The following CYFIP1 variants were observed in gnomAD, a reference collection of about 807,000 sequenced individuals.
The protein encoded by CYFIP1 is cytoplasmic FMR1 interacting protein 1, also known as cytoplasmic FMR1-interacting protein 1.
Under a neutral mutation model 163.5 loss-of-function variants are expected in CYFIP1, and 58 were observed. The observed-to-expected ratio is 0.35, with a 90% CI of 0.29 to 0.44. CYFIP1 has a LOEUF of 0.44. CYFIP1 is among the 20% of genes least tolerant of loss of function. CYFIP1 has a pLI of 1.00. For missense variants in CYFIP1, 1,338 were observed against 1,653.8 expected (o/e 0.81, Z 3.31); for synonymous variants, 663 against 660.7 (o/e 1.00, Z -0.05).
chr15:22,947,312 C>A, intron 1 of CYFIP1, 21 bp from the exon 2 acceptor site: 1 of 1,607,554 alleles, frequency 6.2e-7, no homozygotes, highest in Non-Finnish European at 8.5e-7. Flanking sequence ...ACATAAGGAC[C>A]CCTGTTCTGT....
intron 5 of CYFIP1, among the ~76,000 whole-genome samples, chr15:22,943,649 C>G (rs1031385637): frequency 6.6e-6 from 1 of 152,174 alleles, no homozygotes; most frequent in African/African-American, 2.4e-5. Flanking sequence ...AATAAAACGC[C>G]TGTAAAATTC....
At chr15:22,964,171 T>C (rs1595718983) in intron 1 of CYFIP1, among the ~76,000 whole-genome samples, 2 of 151,046 alleles carry the variant, frequency 1.3e-5, no homozygotes, top group African/African-American at 2.4e-5. Flanking sequence ...TTTTTTTTTT[T>C]TCCCTTTCTG....
chr15:22,911,095 T>C (rs2060773341), intron 18 of CYFIP1, among the ~76,000 whole-genome samples: 1 of 152,010 alleles, frequency 6.6e-6, no homozygotes, highest in Non-Finnish European at 1.5e-5. Context: ...TGGTCCTGGC[T>C]ACTCGGGAGG....
At chr15:22,971,225 C>CA (rs1248870719) in intron 1 of CYFIP1, among the ~76,000 whole-genome samples, 3 of 152,204 alleles carry the variant, frequency 2.0e-5, no homozygotes, top group Non-Finnish European at 2.9e-5. Flanking sequence ...TTGGATATGA[C>CA]ACCAAAAACA....
chr15:22,930,202 A>C, intron 11 of CYFIP1, among the ~76,000 whole-genome samples: 1 of 150,566 alleles, frequency 6.6e-6, no homozygotes, highest in African/African-American at 2.4e-5. Flanking sequence ...AACACACAAA[A>C]AACACACACA....
chr15:22,962,474 C>T (rs2062718432), intron 1 of CYFIP1, among the ~76,000 whole-genome samples: 1 of 151,520 alleles, frequency 6.6e-6, no homozygotes, highest in Non-Finnish European at 1.5e-5. Context: ...TCTCAGCTCA[C>T]CACCACCTCC....
At chr15:22,893,051 AT>A in intron 22 of CYFIP1, 74 bp from the exon 23 acceptor site, 1 of 1,073,620 alleles carries the variant, frequency 9.3e-7, no homozygotes, top group Non-Finnish European at 1.4e-6. Context: ...GAAGTCCTCC[AT>A]AATCCATCTA....
At chr15:22,952,996 C>T (rs929298196) in intron 1 of CYFIP1, among the ~76,000 whole-genome samples, 3 of 152,220 alleles carry the variant, frequency 2.0e-5, no homozygotes, top group Admixed American at 2.0e-4. Context: ...CATAGGCAGC[C>T]CTCCCACATC....
At chr15:22,877,700 G>A (rs967755690) in intron 26 of CYFIP1, among the ~76,000 whole-genome samples, 27 of 152,326 alleles carry the variant, frequency 1.8e-4, no homozygotes, top group Admixed American at 1.5e-3. Flanking sequence ...GGTGAGGGGA[G>A]CATGGGAGGA....
At position 22,916,491 on chromosome 15, in the gene CYFIP1, A is replaced by G; in HGVS notation, c.1814T>C (p.Leu605Ser). The G allele has an allele frequency of 6.2e-7, 1 of 1,610,128 alleles. No individual in the cohort carries two copies. Among genetic ancestry groups the G allele is most frequent in the Non-Finnish European group, 8.5e-7 (1 of 1,176,704 alleles). The part of the protein sequence containing the change: ...FHRESFFYTH[L>S]INFSETLQQC... ...GTATCTCTTACCACTGAAATTTATC[A>G]AGTGAGTGTAGAAGAATGACTCTCG... The change falls in exon 16 of 31, where the codon TTG (leucine) becomes TCG (serine). Residue 605 changes from leucine (L) to serine (S), a missense_variant. This residue lies in a region of CYFIP1 where 824 missense variants were observed against 995.7 expected (regional missense o/e 0.83). Transcript: ENST00000617928.
At chr15:22,877,682 C>T (rs748539326) in intron 26 of CYFIP1, among the ~76,000 whole-genome samples, 2 of 152,198 alleles carry the variant, frequency 1.3e-5, no homozygotes, top group African/African-American at 4.8e-5. Flanking sequence ...ACCCCTCACA[C>T]TCACAGTGGT....
chr15:22,976,391 T>C (rs930613993), intron 1 of CYFIP1, among the ~76,000 whole-genome samples: 5 of 152,088 alleles, frequency 3.3e-5, no homozygotes, highest in Non-Finnish European at 5.9e-5. Flanking sequence ...CTCCTGCCCT[T>C]GTGATCCGCC....
rs553676881 is a variant in CYFIP1 at position 22,926,818 on chromosome 15, C to T, written c.1234-711G>A. ...GTGTTAGATAGATCAGTTAGGGTGA[C>T]TATTAATTAAAATAATTTATGGTAC... is the stretch of plus-strand genomic sequence containing the variant. On this transcript the variant is annotated intron_variant, in intron 12 of 30. Transcript: ENST00000617928. 3.3e-5 allele frequency among the ~76,000 whole-genome samples: 5 copies of T among 152,172 alleles called. No homozygotes were observed. In the South Asian group the frequency reaches 1.0e-3, roughly 32 times the overall value.
intron 13 of CYFIP1, among the ~76,000 whole-genome samples, chr15:22,925,602 G>A (rs2061332073): frequency 6.6e-6 from 1 of 152,208 alleles, no homozygotes; most frequent in African/African-American, 2.4e-5. Context: ...GATACCAGTT[G>A]ATGCTGGAAT....
intron 26 of CYFIP1, among the ~76,000 whole-genome samples, chr15:22,878,156 C>G (rs2059637918): frequency 6.6e-6 from 1 of 152,228 alleles, no homozygotes; most frequent in African/African-American, 2.4e-5. Flanking sequence ...CATTCCCATG[C>G]ACAAGCCAAT....
chr15:22,884,199 C>T (rs897624985), intron 23 of CYFIP1, among the ~76,000 whole-genome samples: 2 of 152,156 alleles, frequency 1.3e-5, no homozygotes, highest in Admixed American at 1.3e-4. Flanking sequence ...CCAACAGTGC[C>T]CCAAAGTCTT....
At position 22,869,346 on chromosome 15, in the gene CYFIP1, C is replaced by G. The variant is rs575467543; in HGVS notation, c.*682G>C. ...GCGGTATATGGGATGGTGTCACGGT[C>G]CCATCCCACCTCAGCCTTAGAGGTG... On this transcript the variant is annotated 3_prime_UTR_variant, in exon 31 of 31. Transcript: ENST00000617928. 6.6e-6 allele frequency: 1 copy of G among 152,140 alleles called. No homozygotes were observed. The highest frequency in any genetic ancestry group is 1.5e-5 in the Non-Finnish European group (1 of 68,036). The allele number at this position is 152,140 out of a possible 1,614,324, so 9.4% of individuals were successfully genotyped here.
intron 1 of CYFIP1, among the ~76,000 whole-genome samples, chr15:22,958,710 ACTCACCTCTGCTT>A (rs1244747066): frequency 6.6e-6 from 1 of 151,780 alleles, no homozygotes; most frequent in African/African-American, 2.4e-5. Flanking sequence ...CCAAACCTGC[ACTCACCTCTGCTT>A]CTCTTCCTGT....
chr15:22,967,371 AAT>A (rs2062947895), intron 1 of CYFIP1, among the ~76,000 whole-genome samples: 1 of 152,218 alleles, frequency 6.6e-6, no homozygotes, highest in Admixed American at 6.5e-5. Flanking sequence ...CACTAAATGA[AAT>A]CACAAAGTTC....
Sources: gnomAD v4.1 joint callset for allele counts (sites outside exome capture counted in the v4.1 genomes callset) on GRCh38, gnomAD v4.1.1 for gene constraint, gnomAD v4.1.1 regional missense constraint, MANE v1.5 for transcripts, NCBI Gene and HGNC (gene_info 2026-07-23, HGNC 2026-07-21) for gene names.